USP32: variants seen among roughly 807,000 people sequenced by gnomAD.
USP32 encodes ubiquitin carboxyl-terminal hydrolase 32.
In USP32, 59 loss-of-function variants were observed where a neutral mutation model predicts 204.8. The ratio of observed to expected loss-of-function variants is 0.29; its 90% CI spans 0.23 to 0.36. The LOEUF (loss-of-function observed/expected upper bound fraction) is 0.36, where lower values mean the gene tolerates loss of function less well. Ranked by LOEUF, USP32 falls within the 10% of genes least tolerant of loss-of-function variation. The probability of loss-of-function intolerance (pLI) is 1.00; values close to 1 mark genes in which losing one functional copy is unlikely to be tolerated. For synonymous variants in USP32, 517 were observed against 678.4 expected (o/e 0.76, Z 3.70); for missense variants, 1,160 against 1,946.4 (o/e 0.60, Z 7.60).
intron 9 of USP32, among the ~76,000 whole-genome samples, chr17:60,256,176 A>G (rs1203073715): frequency 1.5e-5 from 2 of 133,046 alleles, no homozygotes; most frequent in Non-Finnish European, 3.0e-5. Context: ...CATCTCTTTG[A>G]AAAAAAAAAT....
At chr17:60,400,961 C>T (rs1346014666) in intron 1 of USP32, among the ~76,000 whole-genome samples, 1 of 151,986 alleles carries the variant, frequency 6.6e-6, no homozygotes. Flanking sequence ...AGTTCGAGAC[C>T]AGCCTGGCCA....
intron 31 of USP32, among the ~76,000 whole-genome samples, chr17:60,182,075 C>T (rs2084126234): frequency 6.6e-6 from 1 of 152,208 alleles, no homozygotes; most frequent in South Asian, 2.1e-4. Flanking sequence ...ACATATTCCT[C>T]TCCTTTGTAA....
chr17:60,399,882 G>A (rs1424911466), intron 1 of USP32, among the ~76,000 whole-genome samples: 1 of 152,160 alleles, frequency 6.6e-6, no homozygotes, highest in Non-Finnish European at 1.5e-5. Context: ...GAGAGAAGGG[G>A]ATGGGATCAA....
chr17:60,315,114 G>A (rs55780746), intron 2 of USP32, among the ~76,000 whole-genome samples: 7,287 of 152,144 alleles, frequency 0.048, 628 homozygotes, highest in African/African-American at 0.17. Flanking sequence ...TAAAATGAAT[G>A]AGGCCGGGTG....
At chr17:60,215,681 A>G (rs994305153) in intron 16 of USP32, among the ~76,000 whole-genome samples, 5 of 152,270 alleles carry the variant, frequency 3.3e-5, no homozygotes, top group Non-Finnish European at 5.9e-5. Flanking sequence ...TATCTATTAC[A>G]TATCAATTAA....
At chr17:60,247,579 T>A (rs1052217823) in intron 11 of USP32, among the ~76,000 whole-genome samples, 1 of 152,228 alleles carries the variant, frequency 6.6e-6, no homozygotes, top group Non-Finnish European at 1.5e-5. Context: ...GCACCATTTA[T>A]TGAAGAGATT....
Position 60,323,968 on chromosome 17 carries a change from C to A in USP32, c.186+21513G>T, listed in dbSNP as rs190350559. Among the ~76,000 whole-genome samples, 209 of 152,246 alleles carry A rather than the reference C, an allele frequency of 1.4e-3. 2 individuals carry two copies. Among genetic ancestry groups the A allele is most frequent in the African/African-American group, 4.5e-3 (187 of 41,540 alleles). On this transcript the variant is annotated intron_variant, in intron 2 of 33. Coordinates refer to ENST00000300896, the MANE Select transcript of USP32 (RefSeq NM_032582.4). ...TAGCTTAAGCAATCAGCAGTGCAAACTATAAAATGATTTTTTAAAAGCATA... is the reference window on the plus strand; with the variant it reads ...TAGCTTAAGCAATCAGCAGTGCAAAATATAAAATGATTTTTTAAAAGCATA...
intron 1 of USP32, among the ~76,000 whole-genome samples, chr17:60,389,114 C>T (rs1567891637): frequency 2.0e-5 from 3 of 152,172 alleles, no homozygotes; most frequent in Admixed American, 6.5e-5. Flanking sequence ...GTGTGTTTGT[C>T]AAATCCTATC....
At chr17:60,289,744 C>G (rs1291055335) in intron 4 of USP32, among the ~76,000 whole-genome samples, 2 of 151,834 alleles carry the variant, frequency 1.3e-5, no homozygotes, top group African/African-American at 4.8e-5. Flanking sequence ...CAAGGAAATA[C>G]AATGAAGCTA....
chr17:60,403,721 CAT>C (rs1598319334), intron 1 of USP32, among the ~76,000 whole-genome samples: 1 of 152,092 alleles, frequency 6.6e-6, no homozygotes, highest in East Asian at 1.9e-4. Context: ...TTTTTTCACA[CAT>C]ATATATTTGA....
At chr17:60,373,497 G>A (rs548344613) in intron 1 of USP32, among the ~76,000 whole-genome samples, 18 of 146,532 alleles carry the variant, frequency 1.2e-4, no homozygotes, top group African/African-American at 4.1e-4. Context: ...AGGCTAGAGT[G>A]CAGTGGCACG....
chr17:60,417,871 C>T (rs1360948489), intron 1 of USP32, among the ~76,000 whole-genome samples: 1 of 151,976 alleles, frequency 6.6e-6, no homozygotes, highest in African/African-American at 2.4e-5. Context: ...CTCACTGCAA[C>T]CTCTGCCTCC....
At chr17:60,292,097 G>A (rs542030025) in intron 4 of USP32, among the ~76,000 whole-genome samples, 1 of 151,876 alleles carries the variant, frequency 6.6e-6, no homozygotes, top group Non-Finnish European at 1.5e-5. Flanking sequence ...ACCTTCCAGG[G>A]TATTTGACAT....
At chr17:60,370,048 ATT>A (rs960434333) in intron 1 of USP32, among the ~76,000 whole-genome samples, 2 of 145,860 alleles carry the variant, frequency 1.4e-5, no homozygotes, top group Non-Finnish European at 3.0e-5. Flanking sequence ...CTACAAAATA[ATT>A]TTTTTTTTTT....
chr17:60,257,204 C>T (rs1321734164), intron 9 of USP32: 1 of 156,592 alleles, frequency 6.4e-6, no homozygotes, highest in East Asian at 1.9e-4. Context: ...TGTTTTAAGG[C>T]AATAATTTTA....
rs373507590 is a variant in USP32, at chr17:60,361,296, T to C, written c.59-15688A>G. ...TTGTCTCCTTTCAGATCTTTTTCCA[T>C]GCTTTTATAAGATGTACCCCCACAG... On this transcript the variant is annotated intron_variant, in intron 1 of 33. Coordinates refer to ENST00000300896, the MANE Select transcript of USP32 (RefSeq NM_032582.4). Among the ~76,000 whole-genome samples, 8 of 152,308 alleles carry C rather than the reference T, an allele frequency of 5.3e-5. No individual in the cohort carries two copies. The East Asian group carries it at 1.5e-3, about 29-fold the overall frequency.
chr17:60,301,565 G>T, intron 3 of USP32, 34 bp downstream of exon 3: 1 of 1,350,732 alleles, frequency 7.4e-7, no homozygotes, highest in South Asian at 1.3e-5. Flanking sequence ...TCTGTACATA[G>T]ACGAATTATT....
At chr17:60,200,184 G>C (rs1027169454) in intron 26 of USP32, among the ~76,000 whole-genome samples, 5 of 149,524 alleles carry the variant, frequency 3.3e-5, no homozygotes, top group Non-Finnish European at 5.9e-5. Flanking sequence ...ACAACAGCAA[G>C]ACTCTGTCTC....
At chr17:60,320,054 T>C (rs1191057109) in intron 2 of USP32, among the ~76,000 whole-genome samples, 1 of 152,190 alleles carries the variant, frequency 6.6e-6, no homozygotes, top group Non-Finnish European at 1.5e-5. Context: ...TCACACAATA[T>C]ATTTTCAGGG....
Sources: gnomAD v4.1 joint callset for allele counts (sites outside exome capture counted in the v4.1 genomes callset) on GRCh38, gnomAD v4.1.1 for gene constraint, MANE v1.5 for transcripts, NCBI Gene and HGNC (gene_info 2026-07-23, HGNC 2026-07-21) for gene names.